The following ZNF385D variants were observed in gnomAD, a reference collection of about 807,000 sequenced individuals.
ZNF385D encodes the protein zinc finger protein 659.
In ZNF385D, 15 loss-of-function variants were observed where a neutral mutation model predicts 35.8. That is an observed-to-expected ratio of 0.42 (90% CI 0.28 to 0.64). The LOEUF (loss-of-function observed/expected upper bound fraction) is 0.64, where lower values mean the gene tolerates loss of function less well. Ranked by LOEUF, ZNF385D falls within the 30% of genes least tolerant of loss-of-function variation. The pLI is 0.23. For missense variants in ZNF385D, 474 were observed against 494.6 expected, an observed-to-expected ratio of 0.96 and a Z score of 0.39; for synonymous variants, 212 against 186.8, an observed-to-expected ratio of 1.13 and a Z score of -1.10.
chr3:22,220,844 T>C (rs1698211290), intron 2 of ZNF385D, among the ~76,000 whole-genome samples: 1 of 152,204 alleles, frequency 6.6e-6, no homozygotes, highest in Admixed American at 6.5e-5. Context: ...ATTTTACAGA[T>C]ATTATCTTTA....
intron 3 of ZNF385D, among the ~76,000 whole-genome samples, chr3:21,884,196 G>T (rs570267845): frequency 6.6e-6 from 1 of 152,128 alleles, no homozygotes; most frequent in East Asian, 1.9e-4. Flanking sequence ...TATTATAAAT[G>T]ATAATTATAT....
intron 3 of ZNF385D, among the ~76,000 whole-genome samples, chr3:22,119,802 G>C (rs1405261353): frequency 1.3e-5 from 2 of 151,508 alleles, no homozygotes; most frequent in Admixed American, 6.6e-5. Context: ...GCTTTTACTA[G>C]TGAGTATTTA....
At chr3:21,750,724 T>C (rs940909252) in intron 1 of ZNF385D, among the ~76,000 whole-genome samples, 171 bp downstream of exon 1, 3 of 151,758 alleles carry the variant, frequency 2.0e-5, no homozygotes, top group Non-Finnish European at 4.4e-5. Context: ...ACAGCCCCAG[T>C]TGTGGCACAA....
intron 3 of ZNF385D, among the ~76,000 whole-genome samples, chr3:21,818,927 A>T (rs9812518): frequency 0.16 from 24,466 of 152,084 alleles, 2,221 homozygotes; most frequent in Non-Finnish European, 0.2. Flanking sequence ...ACCAACTTTG[A>T]TAACATCAAA....
upstream of ZNF385D, among the ~76,000 whole-genome samples, chr3:21,754,904 G>A (rs758217167): frequency 6.6e-6 from 1 of 152,216 alleles, no homozygotes; most frequent in African/African-American, 2.4e-5. Flanking sequence ...GCTGTATTGT[G>A]TGTAAGACAT....
At chr3:22,293,067 T>A (rs1275617489) in intron 2 of ZNF385D, among the ~76,000 whole-genome samples, 1 of 152,168 alleles carries the variant, frequency 6.6e-6, no homozygotes, top group Non-Finnish European at 1.5e-5. Context: ...GGCTGTCTCA[T>A]GTGTATGCTG....
intron 3 of ZNF385D, among the ~76,000 whole-genome samples, chr3:21,811,330 A>G (rs1392885911): frequency 6.6e-6 from 1 of 152,086 alleles, no homozygotes; most frequent in Non-Finnish European, 1.5e-5. Context: ...AAAATTGCTG[A>G]ATTTCAGGAC....
At position 22,171,801 on chromosome 3, in the gene ZNF385D, C is replaced by A. The variant is rs146275543; in HGVS notation, c.107-2766G>T. Among the ~76,000 whole-genome samples, 753 of 145,830 alleles carry A rather than the reference C, an allele frequency of 5.2e-3. 8 individuals carry two copies. Among genetic ancestry groups the A allele is most frequent in the African/African-American group, 0.018 (708 of 38,764 alleles). On this transcript the variant is annotated intron_variant, in intron 2 of 5. Transcript: ENST00000494108. ...CTGAGGCAGGAGAATGGAGTGAACCCGGGAGGTAGAGCTTGCAGTGAGCCG... is the reference window on the plus strand; with the variant it reads ...CTGAGGCAGGAGAATGGAGTGAACCAGGGAGGTAGAGCTTGCAGTGAGCCG...
At chr3:21,514,539 A>G in intron 3 of ZNF385D, among the ~76,000 whole-genome samples, 1 of 152,152 alleles carries the variant, frequency 6.6e-6, no homozygotes, top group Non-Finnish European at 1.5e-5. Context: ...TACTTTCTGT[A>G]TAACAAGTAG....
intron 4 of ZNF385D, among the ~76,000 whole-genome samples, chr3:21,472,660 G>T (rs67827541): frequency 0.49 from 74,166 of 151,922 alleles, 18,523 homozygotes; most frequent in East Asian, 0.83. Flanking sequence ...TTGTAACAAA[G>T]AGCTGAGTCT....
At chr3:22,226,945 C>G (rs962614582) in intron 2 of ZNF385D, among the ~76,000 whole-genome samples, 6 of 152,092 alleles carry the variant, frequency 3.9e-5, no homozygotes, top group African/African-American at 1.4e-4. Flanking sequence ...ATATTTCTGC[C>G]TGCAAATGCC....
At chr3:21,497,797 G>A (rs1012337340) in intron 4 of ZNF385D, among the ~76,000 whole-genome samples, 3 of 152,130 alleles carry the variant, frequency 2.0e-5, no homozygotes, top group South Asian at 2.1e-4. Context: ...TGCAGTGAGC[G>A]GAGATCATGC....
At chr3:21,766,951 C>G (rs2070854965) in intron 3 of ZNF385D, among the ~76,000 whole-genome samples, 1 of 151,990 alleles carries the variant, frequency 6.6e-6, no homozygotes, top group Non-Finnish European at 1.5e-5. Context: ...ACACTTGACT[C>G]AAGTTGTGAG....
rs189817934 is a variant in ZNF385D at position 21,809,144 on chromosome 3, C to T, written c.326-144116G>A. Among the ~76,000 whole-genome samples the T allele has an allele frequency of 7.1e-3, 1,086 of 152,074 alleles. 22 individuals carry two copies. Among genetic ancestry groups the T allele is most frequent in the Non-Finnish European group, 0.011 (735 of 67,990 alleles). On this transcript the variant is annotated intron_variant, in intron 3 of 5. Coordinates refer to the ZNF385D transcript ENST00000494108. The stretch of plus-strand genomic sequence containing the variant: ...AAAAACACACAAAGTACCAAGATGA[C>T]ATAGATGTTGAAATTAGCTAAGAAG...
intron 1 of ZNF385D, among the ~76,000 whole-genome samples, chr3:21,682,055 C>G (rs9310653): frequency 0.066 from 10,013 of 152,152 alleles, 385 homozygotes; most frequent in East Asian, 0.13. Flanking sequence ...CTAACTGTTG[C>G]ACCAATTTTG....
intron 3 of ZNF385D, among the ~76,000 whole-genome samples, chr3:21,895,440 C>T (rs1015778323): frequency 2.7e-5 from 4 of 149,692 alleles, no homozygotes; most frequent in Non-Finnish European, 5.9e-5. Context: ...GATTCTCCTG[C>T]CTCAGCCTCC....
chr3:22,060,078 C>G (rs944870548), intron 3 of ZNF385D, among the ~76,000 whole-genome samples: 1 of 152,178 alleles, frequency 6.6e-6, no homozygotes, highest in African/African-American at 2.4e-5. Flanking sequence ...TTTATACAGC[C>G]TTCCTTGCCC....
chr3:21,473,620 T>C (rs1704042895), intron 4 of ZNF385D, among the ~76,000 whole-genome samples: 1 of 152,118 alleles, frequency 6.6e-6, no homozygotes, highest in East Asian at 1.9e-4. Flanking sequence ...ACCTGTCTAC[T>C]AAAACAAAGA....
intron 3 of ZNF385D, among the ~76,000 whole-genome samples, chr3:22,077,638 G>T (rs1700530482): frequency 6.6e-6 from 1 of 151,830 alleles, no homozygotes; most frequent in Admixed American, 6.6e-5. Flanking sequence ...TGATGTTTTT[G>T]GCACATATTT....
Sources: gnomAD v4.1 joint callset for allele counts (sites outside exome capture counted in the v4.1 genomes callset) on GRCh38, gnomAD v4.1.1 for gene constraint, MANE v1.5 for transcripts, NCBI Gene and HGNC (gene_info 2026-07-23, HGNC 2026-07-21) for gene names.